The following LPXN variants were observed in gnomAD, a reference collection of about 807,000 sequenced individuals.
LPXN encodes leupaxin.
Under a neutral mutation model 45.6 loss-of-function variants are expected in LPXN, and 28 were observed. The observed-to-expected ratio is 0.61, with a 90% CI of 0.45 to 0.84. The LOEUF (loss-of-function observed/expected upper bound fraction) is 0.84. LPXN is among the 40% of genes least tolerant of loss of function. LPXN has a pLI of 0.00. For missense variants in LPXN, 459 were observed against 475.0 expected (o/e 0.97, Z 0.31); for synonymous variants, 166 against 169.9 (o/e 0.98, Z 0.18).
intron 2 of LPXN, among the ~76,000 whole-genome samples, chr11:58,564,411 T>G (rs1428578957): frequency 2.6e-5 from 4 of 152,184 alleles, no homozygotes; most frequent in African/African-American, 9.7e-5. Context: ...AGTTGGCATG[T>G]GAACAAACAC....
rs1197965725 is a variant in LPXN, at chr11:58,564,102, A to G, written c.218+53T>C. ...ATTATCACCCAAACAAAGATTGATA[A>G]CAATTATCTACTAACTTTAATTTTT... On this transcript the variant is annotated intron_variant, in intron 3 of 8. Coordinates refer to ENST00000395074, the MANE Select transcript of LPXN (RefSeq NM_004811.3). The G allele has an allele frequency of 6.3e-6, 7 of 1,107,464 alleles. No individual in the cohort carries two copies. In the African/African-American group the frequency reaches 1.1e-4, roughly 18 times the overall value. 68.6% of individuals were successfully genotyped at this position (1,107,464 alleles called of 1,614,324 possible).
chr11:58,527,640 C>T lies in LPXN; in HGVS notation c.975G>A (p.Arg325=). Reference sequence around the variant, plus strand: ...GCCCACACCCATGGCAGAGCGTTCCCCGGCGGTGATGGTAATGGAGCTCAC... The same window carrying T: ...GCCCACACCCATGGCAGAGCGTTCCTCGGCGGTGATGGTAATGGAGCTCAC... ...PFCELHYHHR[R]GTLCHGCGQP... The change falls in exon 9 of 9, where the codon CGG becomes CGA. Residue 325 remains arginine, a synonymous_variant. Coordinates refer to ENST00000395074, the MANE Select transcript of LPXN (RefSeq NM_004811.3). 1 of 1,614,120 alleles carries T rather than the reference C, an allele frequency of 6.2e-7. No homozygotes were observed. Among genetic ancestry groups the T allele is most frequent in the Non-Finnish European group, 8.5e-7 (1 of 1,180,024 alleles).
intron 7 of LPXN, among the ~76,000 whole-genome samples, chr11:58,535,036 C>T (rs990499878): frequency 1.3e-5 from 2 of 151,974 alleles, no homozygotes; most frequent in East Asian, 1.9e-4. Context: ...AATAGCCTAC[C>T]GACCAAAAAA....
At chr11:58,527,829 A>T in intron 8 of LPXN, 106 bp from the exon 9 acceptor site, 1 of 1,222,640 alleles carries the variant, frequency 8.2e-7, no homozygotes, top group Non-Finnish European at 1.1e-6. Context: ...CCTGCCAGCT[A>T]CAGGAATTTC....
At chr11:58,569,998 C>T (rs1042043782) in intron 2 of LPXN, among the ~76,000 whole-genome samples, 4 of 152,026 alleles carry the variant, frequency 2.6e-5, no homozygotes, top group African/African-American at 9.7e-5. Context: ...TGACCATGTG[C>T]TCATTAGAAA....
intron 7 of LPXN, among the ~76,000 whole-genome samples, chr11:58,548,895 T>C (rs996544287): frequency 1.3e-5 from 2 of 152,006 alleles, no homozygotes; most frequent in African/African-American, 4.8e-5. Context: ...TATTCTATGA[T>C]TGTCAACATA....
chr11:58,531,430 A>C (rs1209785486), intron 7 of LPXN, among the ~76,000 whole-genome samples: 1 of 151,982 alleles, frequency 6.6e-6, no homozygotes, highest in African/African-American at 2.4e-5. Flanking sequence ...TCAATAGCTG[A>C]ATTGATCAAG....
At chr11:58,549,728 G>C in intron 7 of LPXN, 58 bp downstream of exon 7, 1 of 1,457,532 alleles carries the variant, frequency 6.9e-7, no homozygotes, top group Non-Finnish European at 9.6e-7. Flanking sequence ...GAAAGGTGTT[G>C]CTGGTCTTAT....
intron 3 of LPXN, among the ~76,000 whole-genome samples, chr11:58,562,178 T>A (rs180907156): frequency 6.6e-6 from 1 of 152,370 alleles, no homozygotes; most frequent in East Asian, 1.9e-4. Flanking sequence ...ATGTAAAAGA[T>A]ACATTTCTAA....
chr11:58,552,004 T>G (rs1854066786), intron 4 of LPXN, among the ~76,000 whole-genome samples: 1 of 152,078 alleles, frequency 6.6e-6, no homozygotes, highest in Admixed American at 6.6e-5. Flanking sequence ...GAGAAGGTGA[T>G]GGAGAGAGAG....
At chr11:58,540,543 A>G (rs2120252832) in intron 7 of LPXN, among the ~76,000 whole-genome samples, 1 of 152,354 alleles carries the variant, frequency 6.6e-6, no homozygotes, top group East Asian at 1.9e-4. Flanking sequence ...GCTTCTTAAT[A>G]TTCCAGCAAG....
upstream of LPXN, chr11:58,578,145 C>G (rs1420520687): frequency 6.9e-7 from 1 of 1,459,534 alleles, no homozygotes; most frequent in Non-Finnish European, 9.2e-7. Flanking sequence ...CGCCAACGCC[C>G]AGATAAAAAG....
intron 8 of LPXN, 77 bp from the exon 9 acceptor site, chr11:58,527,800 T>G (rs1853271367): frequency 7.0e-7 from 1 of 1,422,792 alleles, no homozygotes; most frequent in East Asian, 2.4e-5. Context: ...ATTTTCAGCC[T>G]TGAAATTCCT....
chr11:58,540,261 T>C (rs914953094), intron 7 of LPXN, among the ~76,000 whole-genome samples: 2 of 152,020 alleles, frequency 1.3e-5, no homozygotes, highest in African/African-American at 4.8e-5. Flanking sequence ...AACAAATAAA[T>C]AGTATAAAAA....
chr11:58,556,667 G>A (rs1162156055), intron 3 of LPXN, among the ~76,000 whole-genome samples: 1 of 152,042 alleles, frequency 6.6e-6, no homozygotes, highest in Non-Finnish European at 1.5e-5. Flanking sequence ...AGATCAGGGT[G>A]GTGATTAGAT....
At chr11:58,553,237 G>A (rs1371857387) in intron 4 of LPXN, among the ~76,000 whole-genome samples, 2 of 151,102 alleles carry the variant, frequency 1.3e-5, no homozygotes, top group Non-Finnish European at 2.9e-5. Context: ...TCAGGAGGCT[G>A]AGGCACTAGA....
At chr11:58,578,456 G>A (rs1323685218), upstream of LPXN, among the ~76,000 whole-genome samples, 2 of 152,188 alleles carry the variant, frequency 1.3e-5, no homozygotes, top group African/African-American at 2.4e-5. Flanking sequence ...GGCCCTCGTT[G>A]CCCCCACAAC....
chr11:58,549,808 G>A lies in LPXN; in HGVS notation c.720C>T (p.Cys240=), dbSNP rs938539110. 16 of 1,613,956 alleles carry A rather than the reference G, an allele frequency of 9.9e-6. No individual in the cohort carries two copies. The highest frequency in any genetic ancestry group is 6.7e-5 in the East Asian group (3 of 44,876). The change falls in exon 7 of 9, where the codon TGC becomes TGT. Residue 240 remains cysteine (C), a synonymous_variant. Coordinates refer to ENST00000395074, the MANE Select transcript of LPXN (RefSeq NM_004811.3). ...TACCTTCTGCACCAAACACCTCTCC[G>A]CAGTGAGAGCAGAAGAAGTGCTCTG... ...WHPEHFFCSH[C]GEVFGAEGFH...
rs1002512660 is a variant in LPXN, at chr11:58,534,835, G to T, written c.743-6644C>A. Among the ~76,000 whole-genome samples the T allele has an allele frequency of 4.6e-5, 7 of 152,064 alleles. No individual in the cohort carries two copies. In the South Asian group the frequency reaches 6.2e-4, roughly 14 times the overall value. ...ATAGACACAAAAAAATGATAAAGGG[G>T]TTATCACTACTGATCCCACAGAAAT... On this transcript the variant is annotated intron_variant, in intron 7 of 8. Transcript: ENST00000395074.
Sources: allele counts gnomAD v4.1 joint callset (sites outside exome capture counted in the v4.1 genomes callset), GRCh38; gene constraint gnomAD v4.1.1; transcripts MANE v1.5; gene names NCBI Gene and HGNC (gene_info 2026-07-23, HGNC 2026-07-21).